Variants in RBFOX1 observed in about 807,000 individuals in gnomAD.
The protein encoded by RBFOX1 is RNA binding fox-1 homolog 1.
Under a neutral mutation model 57.7 loss-of-function variants are expected in RBFOX1, and 8 were observed. That is an observed-to-expected ratio of 0.14 (90% CI 0.08 to 0.25). The LOEUF (loss-of-function observed/expected upper bound fraction) is 0.25, where lower values mean the gene tolerates loss of function less well. Among genes scored for constraint, RBFOX1 ranks in the 10% least tolerant of loss-of-function variants. The probability of loss-of-function intolerance (pLI) is 1.00; values close to 1 mark genes in which losing one functional copy is unlikely to be tolerated. For synonymous variants in RBFOX1, 326 were observed against 222.4 expected (o/e 1.47, Z -4.15); for missense variants, 611 against 548.5 (o/e 1.11, Z -1.14).
intron 2 of RBFOX1, among the ~76,000 whole-genome samples, chr16:6,644,095 C>A (rs2098514059): frequency 6.6e-6 from 1 of 152,154 alleles, no homozygotes; most frequent in Non-Finnish European, 1.5e-5. Flanking sequence ...TACTGCACTC[C>A]AACCTGGGCA....
chr16:5,705,488 C>G (rs147328001), intron 3 of RBFOX1, among the ~76,000 whole-genome samples: 1 of 152,296 alleles, frequency 6.6e-6, no homozygotes, highest in East Asian at 1.9e-4. Flanking sequence ...GTTTCAAACT[C>G]ATGGGCTCAA....
rs540757580 is a variant in RBFOX1 at position 6,059,039 on chromosome 16, C to T, written c.-127+39047C>T. On this transcript the variant is annotated intron_variant, in intron 1 of 15. Coordinates refer to ENST00000550418, the MANE Select transcript of RBFOX1 (RefSeq NM_018723.4). The stretch of plus-strand genomic sequence containing the variant: ...AATGCCACATCTTTGCAAAAGCAAA[C>T]ACCACCACATGCACTACTATTAATA... 1.4e-3 allele frequency among the ~76,000 whole-genome samples: 213 copies of T among 152,338 alleles called. 1 individual carries two copies. The highest frequency in any genetic ancestry group is 1.5e-3 in the Non-Finnish European group (103 of 68,032).
chr16:6,810,525 C>CA lies in RBFOX1; in HGVS notation c.-16+155880dup, dbSNP rs796845380. 2.6e-5 allele frequency among the ~76,000 whole-genome samples: 4 copies of CA among 152,170 alleles called. No individual in the cohort carries two copies. In the East Asian group the frequency reaches 5.8e-4, roughly 22 times the overall value. Reference sequence around the variant, plus strand: ...CTGTGAATGTCCCCATATGCCCCTCCAAAAACCTCTTTTTTTTTCCTTAAG... The same window carrying CA: ...CTGTGAATGTCCCCATATGCCCCTCCAAAAAACCTCTTTTTTTTTCCTTAAG... On this transcript the variant is annotated intron_variant, in intron 3 of 15. Transcript: ENST00000550418.
rs192887929 is a variant in RBFOX1, at chr16:5,663,390, A to T, written c.318+64429A>T. On this transcript the variant is annotated intron_variant, in intron 3 of 19. Transcript: ENST00000641259. The stretch of plus-strand genomic sequence containing the variant: ...CAGCTAATTTTTTTTTTTTTTTTAG[A>T]AATGGGGTCTCACTATGTTGGCCAG... Among the ~76,000 whole-genome samples, 839 of 150,624 alleles carry T rather than the reference A, an allele frequency of 5.6e-3. 6 individuals are homozygous for T. Among genetic ancestry groups the T allele is most frequent in the African/African-American group, 0.02 (808 of 40,978 alleles).
At chr16:6,949,435 G>C (rs1201801695) in intron 3 of RBFOX1, among the ~76,000 whole-genome samples, 1 of 152,160 alleles carries the variant, frequency 6.6e-6, no homozygotes, top group Non-Finnish European at 1.5e-5. Flanking sequence ...ACCACAGGCT[G>C]GGTTGCGTAA....
intron 4 of RBFOX1, among the ~76,000 whole-genome samples, chr16:7,101,519 G>A (rs1410856906): frequency 6.6e-6 from 1 of 152,094 alleles, no homozygotes; most frequent in Non-Finnish European, 1.5e-5. Context: ...GTACCAAAGT[G>A]TATCCAACCA....
intron 3 of RBFOX1, among the ~76,000 whole-genome samples, chr16:5,717,978 G>A (rs1191989097): frequency 9.9e-5 from 15 of 152,096 alleles, no homozygotes; most frequent in Non-Finnish European, 2.1e-4. Context: ...TCTGGACAAT[G>A]TTATGCATCT....
intron 4 of RBFOX1, among the ~76,000 whole-genome samples, chr16:7,430,366 A>G (rs1169123017): frequency 6.6e-6 from 1 of 152,188 alleles, no homozygotes; most frequent in East Asian, 1.9e-4. Context: ...TGAATTAAAA[A>G]TGGTACCCAC....
At chr16:6,071,003 A>G (rs1357126570) in intron 1 of RBFOX1, among the ~76,000 whole-genome samples, 1 of 152,168 alleles carries the variant, frequency 6.6e-6, no homozygotes, top group Non-Finnish European at 1.5e-5. Flanking sequence ...ACTAAATTGA[A>G]AGGGATCACC....
chr16:7,316,593 G>C (rs1195829362), intron 4 of RBFOX1, among the ~76,000 whole-genome samples: 1 of 152,208 alleles, frequency 6.6e-6, no homozygotes, highest in African/African-American at 2.4e-5. Flanking sequence ...CTGTGGGAGA[G>C]AGACAGCCCA....
Position 6,338,157 on chromosome 16 carries a change from C to G in RBFOX1, c.-64+21100C>G, listed in dbSNP as rs192305940. Among the ~76,000 whole-genome samples the G allele has an allele frequency of 3.8e-3, 572 of 152,118 alleles. 19 individuals are homozygous for G. Among genetic ancestry groups the G allele is most frequent in the Admixed American group, 0.036 (546 of 15,254 alleles). Reference sequence around the variant, plus strand: ...TTTAGTGGTGAGAATAAAAAGATACCTTCATTTTCCATTAAGTATTACATT... The same window carrying G: ...TTTAGTGGTGAGAATAAAAAGATACGTTCATTTTCCATTAAGTATTACATT... On this transcript the variant is annotated intron_variant, in intron 2 of 15. Transcript: ENST00000550418.
intron 2 of RBFOX1, among the ~76,000 whole-genome samples, chr16:6,433,284 G>T (rs1361375541): frequency 6.6e-6 from 1 of 152,170 alleles, no homozygotes; most frequent in East Asian, 1.9e-4. Context: ...AGCAGAGAAG[G>T]TTTGCTTCAT....
intron 4 of RBFOX1, among the ~76,000 whole-genome samples, chr16:5,926,063 T>G (rs2058934926): frequency 6.6e-6 from 1 of 152,330 alleles, no homozygotes; most frequent in African/African-American, 2.4e-5. Context: ...GACTGTTAGC[T>G]GGGAGTTGGA....
intron 2 of RBFOX1, among the ~76,000 whole-genome samples, chr16:6,348,654 A>G (rs1336377311): frequency 1.3e-5 from 2 of 152,208 alleles, no homozygotes; most frequent in East Asian, 1.9e-4. Context: ...AGGAGGAGGC[A>G]TCTCAGAGCA....
At chr16:5,724,094 A>G (rs899707527) in intron 3 of RBFOX1, among the ~76,000 whole-genome samples, 1 of 152,082 alleles carries the variant, frequency 6.6e-6, no homozygotes, top group Non-Finnish European at 1.5e-5. Context: ...CTTCTCACCA[A>G]TTTTGTGGTG....
chr16:6,957,223 C>G (rs1161184849), intron 3 of RBFOX1, among the ~76,000 whole-genome samples: 2 of 150,682 alleles, frequency 1.3e-5, no homozygotes, highest in African/African-American at 2.4e-5. Flanking sequence ...GCTCCGCCTC[C>G]CGGGTTCACG....
intron 1 of RBFOX1, among the ~76,000 whole-genome samples, chr16:6,238,737 C>G (rs765840295): frequency 2.0e-5 from 3 of 151,828 alleles, no homozygotes; most frequent in Non-Finnish European, 4.4e-5. Flanking sequence ...TTACATTTTT[C>G]TGACTGACTA....
chr16:6,852,606 A>G (rs1299368560), intron 3 of RBFOX1, among the ~76,000 whole-genome samples: 2 of 152,220 alleles, frequency 1.3e-5, no homozygotes, highest in Non-Finnish European at 2.9e-5. Flanking sequence ...TGTCCAGATG[A>G]GATGCATGCT....
At chr16:5,555,748 G>A (rs1221207823) in intron 2 of RBFOX1, among the ~76,000 whole-genome samples, 5 of 151,804 alleles carry the variant, frequency 3.3e-5, no homozygotes, top group Non-Finnish European at 7.4e-5. Flanking sequence ...TCGGCTGGGT[G>A]CAGTGGCTCA....
Sources: gnomAD v4.1 joint callset for allele counts (sites outside exome capture counted in the v4.1 genomes callset) on GRCh38, gnomAD v4.1.1 for gene constraint, MANE v1.5 for transcripts, NCBI Gene and HGNC (gene_info 2026-07-23, HGNC 2026-07-21) for gene names.